DCDC2: variants seen among roughly 807,000 people sequenced by gnomAD.
DCDC2 encodes the protein doublecortin domain containing 2, also known as doublecortin domain-containing protein 2.
In DCDC2, 40 loss-of-function variants were observed where a neutral mutation model predicts 50.2. The observed-to-expected ratio is 0.80, with a 90% CI of 0.62 to 1.04. The LOEUF is 1.04. Among genes scored for constraint, DCDC2 ranks in the 50% least tolerant of loss-of-function variants. The pLI is 0.00. For synonymous variants in DCDC2, 234 were observed against 210.6 expected, an observed-to-expected ratio of 1.11 and a Z score of -0.96; for missense variants, 570 against 581.9, an observed-to-expected ratio of 0.98 and a Z score of 0.21.
intron 7 of DCDC2, among the ~76,000 whole-genome samples, chr6:24,254,981 T>C (rs1730353144): frequency 6.6e-6 from 1 of 151,952 alleles, no homozygotes; most frequent in Non-Finnish European, 1.5e-5. Flanking sequence ...AAAATGTATA[T>C]GAAATAAAAA....
chr6:24,314,045 C>T (rs1759618025), intron 2 of DCDC2, among the ~76,000 whole-genome samples: 1 of 152,210 alleles, frequency 6.6e-6, no homozygotes. Context: ...ATATGGGTGA[C>T]TTGCATACTC....
intron 2 of DCDC2, among the ~76,000 whole-genome samples, chr6:24,336,603 G>A (rs1188798582): frequency 6.6e-6 from 1 of 151,964 alleles, no homozygotes; most frequent in Non-Finnish European, 1.5e-5. Context: ...ATTTGTAGAG[G>A]GATTTGTAGC....
intron 6 of DCDC2, among the ~76,000 whole-genome samples, chr6:24,287,283 T>A (rs1408013600): frequency 1.3e-5 from 2 of 152,222 alleles, no homozygotes; most frequent in Non-Finnish European, 2.9e-5. Context: ...GCTGTGTGGA[T>A]GCAATTCCTC....
chr6:24,339,331 T>C (rs1017420830), intron 2 of DCDC2, among the ~76,000 whole-genome samples: 1 of 152,136 alleles, frequency 6.6e-6, no homozygotes, highest in African/African-American at 2.4e-5. Flanking sequence ...TTCGGATAGC[T>C]TGCGTACGGC....
intron 7 of DCDC2, among the ~76,000 whole-genome samples, chr6:24,216,239 G>A (rs542939056): frequency 2.0e-5 from 3 of 152,232 alleles, no homozygotes; most frequent in African/African-American, 7.2e-5. Flanking sequence ...ATAGAAAATG[G>A]TTAGGGACAG....
chr6:24,298,044 C>T (rs919325533), intron 4 of DCDC2, among the ~76,000 whole-genome samples: 6 of 152,204 alleles, frequency 3.9e-5, no homozygotes, highest in South Asian at 2.1e-4. Flanking sequence ...ACTGGTTTTG[C>T]GGAAGATAAT....
At position 24,301,991 on chromosome 6, in the gene DCDC2, C is replaced by T. The variant is rs142088541; in HGVS notation, c.402G>A (p.Pro134=). 184 of 1,613,938 alleles carry T rather than the reference C, an allele frequency of 1.1e-4. No homozygotes were observed. The African/African-American group carries it at 2.0e-3, about 18-fold the overall frequency. ...ACAAGATAGTGCACGGCTCCTGAAG[C>T]GGTTTTCTAAAGCGAGCTGACACGT... ...RINVSARFRK[P]LQEPCTIFLI... The change falls in exon 3 of 10, where the codon CCG becomes CCA. Residue 134 remains proline, a synonymous_variant. Coordinates refer to ENST00000378454, the MANE Select transcript of DCDC2 (RefSeq NM_016356.5).
At chr6:24,359,437 ACT>A (rs1208981024), upstream of DCDC2, among the ~76,000 whole-genome samples, 7 of 46,416 alleles carry the variant, frequency 1.5e-4, no homozygotes, top group African/African-American at 6.0e-4. Context: ...ATTTATATAT[ACT>A]ATATAGTATA....
chr6:24,251,591 CT>C (rs1440140808), intron 7 of DCDC2, among the ~76,000 whole-genome samples: 1 of 152,112 alleles, frequency 6.6e-6, no homozygotes, highest in Admixed American at 6.6e-5. Context: ...TAAATCTCAC[CT>C]CTGCACCATG....
At chr6:24,225,601 G>GT (rs34849576) in intron 7 of DCDC2, among the ~76,000 whole-genome samples, 5,342 of 152,174 alleles carry the variant, frequency 0.035, 291 homozygotes, top group African/African-American at 0.12. Context: ...CAGTCAGATT[G>GT]TTTTAACTCT....
intron 2 of DCDC2, among the ~76,000 whole-genome samples, chr6:24,319,112 A>G (rs1014116733): frequency 6.6e-6 from 1 of 151,994 alleles, no homozygotes; most frequent in Non-Finnish European, 1.5e-5. Context: ...TGACTTTTTA[A>G]TAATAGCCAC....
At chr6:24,179,492 G>T (rs12174538) in intron 8 of DCDC2, among the ~76,000 whole-genome samples, 11,619 of 128,780 alleles carry the variant, frequency 0.09, 597 homozygotes, top group East Asian at 0.19. Context: ...AGCTTGCAGT[G>T]AGCCGAGATC....
chr6:24,260,722 T>C (rs1762989951), intron 7 of DCDC2, among the ~76,000 whole-genome samples: 1 of 152,262 alleles, frequency 6.6e-6, no homozygotes, highest in Non-Finnish European at 1.5e-5. Flanking sequence ...TCTGGAACTC[T>C]GTTTTAACTA....
chr6:24,349,492 G>A (rs1021771136), intron 2 of DCDC2, among the ~76,000 whole-genome samples: 1 of 152,160 alleles, frequency 6.6e-6, no homozygotes, highest in Non-Finnish European at 1.5e-5. Context: ...TGCTGGTAAA[G>A]GCATCACACA....
chr6:24,308,589 G>A (rs1759516212), intron 2 of DCDC2, among the ~76,000 whole-genome samples: 1 of 152,060 alleles, frequency 6.6e-6, no homozygotes, highest in Non-Finnish European at 1.5e-5. Flanking sequence ...CCGTTATCAA[G>A]AGAAATAAAG....
intron 2 of DCDC2, among the ~76,000 whole-genome samples, chr6:24,319,459 T>C (rs1651984284): frequency 6.6e-6 from 1 of 152,190 alleles, no homozygotes; most frequent in Non-Finnish European, 1.5e-5. Context: ...GTCCCATTTG[T>C]CTACTTTTGT....
At chr6:24,191,297 G>A (rs906230248) in intron 8 of DCDC2, among the ~76,000 whole-genome samples, 1 of 152,144 alleles carries the variant, frequency 6.6e-6, no homozygotes, top group African/African-American at 2.4e-5. Flanking sequence ...TCCATTAGTT[G>A]GGGGTAGAGT....
chr6:24,241,461 G>C (rs1316824035), intron 7 of DCDC2, among the ~76,000 whole-genome samples: 5 of 152,140 alleles, frequency 3.3e-5, no homozygotes, highest in Admixed American at 2.0e-4. Flanking sequence ...TTACAGGAAG[G>C]TTTTAACAAA....
intron 2 of DCDC2, among the ~76,000 whole-genome samples, chr6:24,325,547 A>C (rs1428365300): frequency 1.3e-5 from 2 of 149,640 alleles, no homozygotes; most frequent in Non-Finnish European, 3.0e-5. Flanking sequence ...TCAAAGAAGA[A>C]TCAAAGATTT....
Sources: allele counts gnomAD v4.1 joint callset (sites outside exome capture counted in the v4.1 genomes callset), GRCh38; gene constraint gnomAD v4.1.1; transcripts MANE v1.5; gene names NCBI Gene and HGNC (gene_info 2026-07-23, HGNC 2026-07-21).